MTA3: variants seen among roughly 807,000 people sequenced by gnomAD.
The protein encoded by MTA3 is metastasis associated 1 family member 3.
A neutral mutation model predicts 83.5 loss-of-function variants in MTA3; 34 were observed. The observed-to-expected ratio is 0.41, with a 90% confidence interval of 0.31 to 0.54. MTA3 has a LOEUF of 0.54. Ranked by LOEUF, MTA3 falls within the 20% of genes least tolerant of loss-of-function variation. The pLI, the probability that MTA3 is intolerant of heterozygous loss-of-function variation, is 0.33. For synonymous variants in MTA3, 303 were observed against 252.7 expected, an observed-to-expected ratio of 1.20 and a Z score of -1.89; for missense variants, 761 against 726.4, an observed-to-expected ratio of 1.05 and a Z score of -0.55.
chr2:42,661,506 C>CAAAA (rs1296698587), intron 8 of MTA3, among the ~76,000 whole-genome samples: 3 of 27,170 alleles, frequency 1.1e-4, no homozygotes, highest in African/African-American at 2.0e-4. Flanking sequence ...GACCCTGTCT[C>CAAAA]AAAAAAAAAA....
intron 6 of MTA3, among the ~76,000 whole-genome samples, chr2:42,645,877 T>C (rs766885359): frequency 7.9e-5 from 12 of 152,256 alleles, no homozygotes; most frequent in Non-Finnish European, 1.6e-4. Context: ...GCTGCTACTC[T>C]GAACAACAGA....
chr2:42,722,800 A>G, intron 15 of MTA3, 89 bp from the exon 16 acceptor site: 1 of 1,432,072 alleles, frequency 7.0e-7, no homozygotes, highest in Non-Finnish European at 9.4e-7. Context: ...GCTCATTAAG[A>G]AATAAGATGT....
intron 16 of MTA3, among the ~76,000 whole-genome samples, chr2:42,723,975 T>A (rs962121332): frequency 6.6e-6 from 1 of 152,284 alleles, no homozygotes; most frequent in East Asian, 1.9e-4. Flanking sequence ...AGTTTGCATT[T>A]ATAGGTTATC....
At chr2:42,501,510 A>C (rs1025128838) in intron 2 of MTA3, among the ~76,000 whole-genome samples, 1 of 152,192 alleles carries the variant, frequency 6.6e-6, no homozygotes, top group Non-Finnish European at 1.5e-5. Flanking sequence ...CCCACTCCTA[A>C]CACTGTAGCT....
chr2:42,653,018 C>A (rs868270246), intron 6 of MTA3, among the ~76,000 whole-genome samples: 1 of 152,150 alleles, frequency 6.6e-6, no homozygotes, highest in Non-Finnish European at 1.5e-5. Context: ...AGTATTTGAA[C>A]AACACTGTGC....
intron 7 of MTA3, among the ~76,000 whole-genome samples, chr2:42,658,031 C>T (rs1689323777): frequency 7.5e-6 from 1 of 134,054 alleles, no homozygotes; most frequent in Non-Finnish European, 1.5e-5. Flanking sequence ...GAGATCGCAC[C>T]ATTGCACTCC....
At chr2:42,565,298 C>T (rs1335742912), upstream of MTA3, among the ~76,000 whole-genome samples, 1 of 151,992 alleles carries the variant, frequency 6.6e-6, no homozygotes, top group Admixed American at 6.6e-5. Flanking sequence ...ATTTGCCTGC[C>T]TCAGTCTCTT....
At chr2:42,688,492 T>A (rs904402964) in intron 9 of MTA3, among the ~76,000 whole-genome samples, 1 of 152,236 alleles carries the variant, frequency 6.6e-6, no homozygotes, top group South Asian at 2.1e-4. Context: ...TCTTTTCATG[T>A]GTTTCATTGC....
At chr2:42,713,857 T>C (rs1015735211) in intron 14 of MTA3, among the ~76,000 whole-genome samples, 7 of 152,316 alleles carry the variant, frequency 4.6e-5, no homozygotes, top group African/African-American at 1.7e-4. Context: ...CTATCATAAA[T>C]AATGTTGCAA....
chr2:42,529,885 C>T (rs1272032960), intron 2 of MTA3, among the ~76,000 whole-genome samples: 2 of 152,184 alleles, frequency 1.3e-5, no homozygotes, highest in Non-Finnish European at 2.9e-5. Flanking sequence ...GAGGCAAAAA[C>T]TTCTCATTAA....
At chr2:42,586,557 AACAC>A (rs68029790) in intron 3 of MTA3, among the ~76,000 whole-genome samples, 2,127 of 125,298 alleles carry the variant, frequency 0.017, 36 homozygotes, top group East Asian at 0.032. Flanking sequence ...AAGGAAGGAA[AACAC>A]ACACACACAC....
chr2:42,717,791 G>T (rs755010541), intron 14 of MTA3, among the ~76,000 whole-genome samples: 6 of 152,188 alleles, frequency 3.9e-5, no homozygotes, highest in Non-Finnish European at 8.8e-5. Context: ...TGCCAAGATA[G>T]GTTAAGCCTT....
At chr2:42,570,130 G>C (rs761044033) in intron 1 of MTA3, among the ~76,000 whole-genome samples, 1 of 152,096 alleles carries the variant, frequency 6.6e-6, no homozygotes, top group Non-Finnish European at 1.5e-5. Context: ...CATGTTTAGC[G>C]TGCCCTGACT....
intron 16 of MTA3, among the ~76,000 whole-genome samples, chr2:42,746,133 G>T (rs1669402701): frequency 6.6e-6 from 1 of 152,090 alleles, no homozygotes; most frequent in East Asian, 1.9e-4. Context: ...CTTTATCTCT[G>T]TTAATACTCC....
intron 2 of MTA3, among the ~76,000 whole-genome samples, chr2:42,509,974 A>G (rs1171032938): frequency 1.3e-5 from 2 of 151,990 alleles, no homozygotes; most frequent in Non-Finnish European, 2.9e-5. Context: ...TCTGGTAGAG[A>G]AGGTCTTGGC....
At chr2:42,750,163 G>A (rs1195655364) in intron 16 of MTA3, among the ~76,000 whole-genome samples, 5 of 151,868 alleles carry the variant, frequency 3.3e-5, no homozygotes, top group African/African-American at 9.7e-5. Flanking sequence ...GCTAATTTTT[G>A]TATTTTTAGT....
intron 2 of MTA3, among the ~76,000 whole-genome samples, chr2:42,521,089 T>G (rs943607443): frequency 6.6e-6 from 1 of 152,210 alleles, no homozygotes; most frequent in Non-Finnish European, 1.5e-5. Flanking sequence ...TTGGACCTAG[T>G]GGCTCACTTC....
chr2:42,678,782 G>T (rs953169186), intron 8 of MTA3, among the ~76,000 whole-genome samples: 2 of 152,128 alleles, frequency 1.3e-5, no homozygotes, highest in Non-Finnish European at 2.9e-5. Context: ...ATCACTGTGT[G>T]TGTGTGTATA....
At chr2:42,646,643 G>A (rs1688216879) in intron 6 of MTA3, among the ~76,000 whole-genome samples, 1 of 152,196 alleles carries the variant, frequency 6.6e-6, no homozygotes, top group African/African-American at 2.4e-5. Flanking sequence ...TGGGCCCTGA[G>A]GATGTGACTG....
Sources: gnomAD v4.1 joint callset for allele counts (sites outside exome capture counted in the v4.1 genomes callset) on GRCh38, gnomAD v4.1.1 for gene constraint, MANE v1.5 for transcripts, NCBI Gene and HGNC (gene_info 2026-07-23, HGNC 2026-07-21) for gene names.